The following FGD6 variants were observed in gnomAD, a reference collection of about 807,000 sequenced individuals.
FGD6 encodes the protein FYVE, RhoGEF and PH domain containing 6.
A neutral mutation model predicts 149.4 loss-of-function variants in FGD6; 90 were observed. The ratio of observed to expected loss-of-function variants is 0.60; its 90% CI spans 0.51 to 0.72. The LOEUF is 0.72. Ranked by LOEUF, FGD6 falls within the 30% of genes least tolerant of loss-of-function variation. FGD6 has a pLI of 0.00. For missense variants in FGD6, 1,437 were observed against 1,684.8 expected, an observed-to-expected ratio of 0.85 and a Z score of 2.57; for synonymous variants, 527 against 584.0, an observed-to-expected ratio of 0.90 and a Z score of 1.41.
At chr12:95,147,686 T>A (rs1483832960) in intron 5 of FGD6, among the ~76,000 whole-genome samples, 1 of 152,188 alleles carries the variant, frequency 6.6e-6, no homozygotes, top group South Asian at 2.1e-4. Context: ...AGTCTGGTTT[T>A]CCTATTAAGT....
chr12:95,193,605 T>C (rs1287407193), intron 2 of FGD6, among the ~76,000 whole-genome samples: 1 of 151,148 alleles, frequency 6.6e-6, no homozygotes, highest in African/African-American at 2.4e-5. Context: ...CTTGGCTCAC[T>C]GCAACTTCTG....
chr12:95,140,729 TA>T (rs1308592950), intron 6 of FGD6, among the ~76,000 whole-genome samples: 2 of 152,148 alleles, frequency 1.3e-5, no homozygotes, highest in Non-Finnish European at 2.9e-5. Flanking sequence ...AGAAGGTAAA[TA>T]AAACATTTAG....
intron 6 of FGD6, among the ~76,000 whole-genome samples, chr12:95,141,046 A>C (rs552419561): frequency 2.6e-5 from 4 of 152,140 alleles, no homozygotes; most frequent in African/African-American, 9.6e-5. Context: ...ACACGGTGAA[A>C]CCTCATCTCT....
In FGD6 at chr12:95,081,434, T is replaced by C; in HGVS notation, c.*86A>G. On this transcript the variant is annotated 3_prime_UTR_variant, in exon 21 of 21. Coordinates refer to ENST00000343958, the MANE Select transcript of FGD6 (RefSeq NM_018351.4). ...GTTGGCTTTATCTTGGCAGTGTTCA[T>C]TTTTATACAATTTTTGAATTGCATT... 1 of 1,247,272 alleles carries C rather than the reference T, an allele frequency of 8.0e-7. No homozygotes were observed. Among genetic ancestry groups the C allele is most frequent in the South Asian group, 1.9e-5 (1 of 53,424 alleles). The allele number at this position is 1,247,272 out of a possible 1,614,324, so 77.3% of individuals were successfully genotyped here. A position where few individuals can be genotyped will look rare whatever the true frequency, so the allele number is the denominator to read the frequency against.
At chr12:95,091,234 A>T (rs1565892977) in intron 17 of FGD6, among the ~76,000 whole-genome samples, 2 of 152,250 alleles carry the variant, frequency 1.3e-5, no homozygotes, top group Non-Finnish European at 2.9e-5. Context: ...GAGCAGGGAA[A>T]TAGGAAGTAT....
intron 2 of FGD6, among the ~76,000 whole-genome samples, chr12:95,179,796 A>G (rs1881228322): frequency 6.6e-6 from 1 of 152,220 alleles, no homozygotes; most frequent in Admixed American, 6.5e-5. Context: ...GAATTACTAA[A>G]CAGTTATTTA....
At chr12:95,148,681 T>A (rs1287534204) in intron 5 of FGD6, among the ~76,000 whole-genome samples, 1 of 105,490 alleles carries the variant, frequency 9.5e-6, no homozygotes, top group African/African-American at 3.9e-5. Context: ...GCATATGTTA[T>A]ATTATATATA....
intron 8 of FGD6, among the ~76,000 whole-genome samples, chr12:95,133,145 T>C (rs1879571714): frequency 2.0e-5 from 3 of 152,194 alleles, no homozygotes; most frequent in Non-Finnish European, 4.4e-5. Context: ...GGGCCAGTTG[T>C]GGTGGCTCAC....
chr12:95,149,692 T>G (rs1880236829), intron 5 of FGD6, among the ~76,000 whole-genome samples: 1 of 144,272 alleles, frequency 6.9e-6, no homozygotes, highest in Non-Finnish European at 1.5e-5. Flanking sequence ...CCCTAACAAA[T>G]TTGTTGAGTG....
intron 5 of FGD6, among the ~76,000 whole-genome samples, chr12:95,148,352 CTA>C (rs1390186735): frequency 5.3e-5 from 8 of 149,744 alleles, no homozygotes; most frequent in African/African-American, 2.0e-4. Flanking sequence ...GCCTCTGGCT[CTA>C]TGGATTTTAT....
chr12:95,208,798 T>G, intron 2 of FGD6, 45 bp downstream of exon 2: 1 of 1,563,478 alleles, frequency 6.4e-7, no homozygotes, highest in Non-Finnish European at 8.7e-7. Context: ...TGTTGAAGGT[T>G]AATTGCAATG....
At chr12:95,149,432 C>CA (rs1322105998) in intron 5 of FGD6, among the ~76,000 whole-genome samples, 1 of 121,220 alleles carries the variant, frequency 8.2e-6, no homozygotes, top group Non-Finnish European at 1.6e-5. Flanking sequence ...TAATATATAG[C>CA]ATATATTATA....
intron 6 of FGD6, among the ~76,000 whole-genome samples, chr12:95,139,180 C>T (rs1479193619): frequency 6.6e-6 from 1 of 152,092 alleles, no homozygotes; most frequent in African/African-American, 2.4e-5. Context: ...TGGCTCATGC[C>T]TGTAATCCTA....
At position 95,084,628 on chromosome 12, in the gene FGD6, TC is replaced by T; in HGVS notation, c.4125del (p.Ser1376ValfsTer5). ...ACAGTGAATCCTAATAAAGGCTGAC[TC>T]TCCAAAGCGGCCACGTCCTAATTTA... ...YAASEDVAAL[E>X]SQPLLGFTVI... On this transcript the variant is annotated frameshift_variant, in exon 20 of 21. Coordinates refer to ENST00000343958, the MANE Select transcript of FGD6 (RefSeq NM_018351.4). LOFTEE classifies it high-confidence loss of function. 1 of 1,591,016 alleles carries T rather than the reference TC, an allele frequency of 6.3e-7. No individual in the cohort carries two copies. Among genetic ancestry groups the T allele is most frequent in the South Asian group, 1.2e-5 (1 of 85,358 alleles).
intron 2 of FGD6, among the ~76,000 whole-genome samples, chr12:95,194,080 T>C (rs6538615): frequency 0.62 from 94,603 of 151,644 alleles, 29,687 homozygotes; most frequent in Admixed American, 0.66. Context: ...ACTACGGGCA[T>C]GTACCATCAC....
intron 2 of FGD6, among the ~76,000 whole-genome samples, chr12:95,181,421 G>T (rs535552640): frequency 2.6e-5 from 4 of 152,320 alleles, no homozygotes; most frequent in East Asian, 3.9e-4. Context: ...TGGCCATCTA[G>T]CTTAGCTGGG....
chr12:95,215,451 A>G (rs1233961545), intron 1 of FGD6, among the ~76,000 whole-genome samples: 4 of 152,228 alleles, frequency 2.6e-5, no homozygotes, highest in African/African-American at 9.6e-5. Context: ...CTATGTATAC[A>G]TATAAGAATG....
At chr12:95,152,764 A>C (rs1317046587) in intron 5 of FGD6, 47 bp downstream of exon 5, 3 of 1,570,614 alleles carry the variant, frequency 1.9e-6, no homozygotes, top group Non-Finnish European at 2.6e-6. Context: ...GGGAAAGTAC[A>C]AAAGGGAATA....
rs563835607 is a variant in FGD6, at chr12:95,216,564, T to C, written c.16+661A>G. Among the ~76,000 whole-genome samples, 17 of 151,630 alleles carry C rather than the reference T, an allele frequency of 1.1e-4. 1 individual carries two copies. The highest frequency in any genetic ancestry group is 9.2e-4 in the Admixed American group (14 of 15,200). ...CCACACAAAGATAGAGGCTTTGTCA[T>C]TTGGATGAAGGGGAAAGAACTATGG... On this transcript the variant is annotated intron_variant, in intron 1 of 20. Coordinates refer to ENST00000343958, the MANE Select transcript of FGD6 (RefSeq NM_018351.4).
Sources: allele counts gnomAD v4.1 joint callset (sites outside exome capture counted in the v4.1 genomes callset), GRCh38; gene constraint gnomAD v4.1.1; transcripts MANE v1.5; gene names NCBI Gene and HGNC (gene_info 2026-07-23, HGNC 2026-07-21).